SLC24A2: variants seen among roughly 807,000 people sequenced by gnomAD.
The protein encoded by SLC24A2 is sodium/potassium/calcium exchanger 2.
Under a neutral mutation model 62.0 loss-of-function variants are expected in SLC24A2, and 36 were observed. The ratio of observed to expected loss-of-function variants is 0.58; its 90% confidence interval spans 0.44 to 0.77. The LOEUF is 0.77. Ranked by LOEUF, SLC24A2 falls within the 30% of genes least tolerant of loss-of-function variation. The probability of loss-of-function intolerance (pLI) is 0.00; values close to 1 mark genes in which losing one functional copy is unlikely to be tolerated. For missense variants in SLC24A2, 846 were observed against 817.9 expected (o/e 1.03, Z -0.42); for synonymous variants, 358 against 294.0 (o/e 1.22, Z -2.23).
chr9:20,162,749 G>A, the SLC24A2 span, among the ~76,000 whole-genome samples: 19 of 151,986 alleles, frequency 1.3e-4, no homozygotes, highest in African/African-American at 2.4e-4. Context: ...CTGGAAAACC[G>A]AATCCAGCAG....
the SLC24A2 span, among the ~76,000 whole-genome samples, chr9:20,270,030 A>T: frequency 3.7e-4 from 57 of 152,110 alleles, no homozygotes; most frequent in Admixed American, 7.9e-4. Context: ...AAGGGGAAGC[A>T]GACGTGTGAA....
intron 5 of SLC24A2, among the ~76,000 whole-genome samples, chr9:19,586,689 G>A (rs1376924963): frequency 6.6e-6 from 1 of 152,086 alleles, no homozygotes; most frequent in Non-Finnish European, 1.5e-5. Context: ...AGAATATGAT[G>A]TTTCAGGAAA....
chr9:20,161,875 G>A, the SLC24A2 span, among the ~76,000 whole-genome samples: 25 of 151,480 alleles, frequency 1.7e-4, no homozygotes, highest in Non-Finnish European at 3.0e-4. Context: ...TTGGGAAAAA[G>A]CTAGAAAACC....
chr9:19,623,504 A>G (rs770110140), intron 2 of SLC24A2, among the ~76,000 whole-genome samples: 9 of 152,224 alleles, frequency 5.9e-5, no homozygotes, highest in Non-Finnish European at 1.3e-4. Flanking sequence ...CCTAAAATAT[A>G]CACTTTTGTG....
chr9:19,901,914 T>C, the SLC24A2 span, among the ~76,000 whole-genome samples: 68 of 152,232 alleles, frequency 4.5e-4, no homozygotes, highest in African/African-American at 1.6e-3. Flanking sequence ...TGGCAGTGAA[T>C]TGAATGTGAC....
chr9:19,734,364 T>C (rs1821434822), intron 2 of SLC24A2, among the ~76,000 whole-genome samples: 1 of 152,218 alleles, frequency 6.6e-6, no homozygotes, highest in African/African-American at 2.4e-5. Context: ...GACTTGGCAA[T>C]GCGGGCTCTT....
chr9:20,136,988 G>C, the SLC24A2 span, among the ~76,000 whole-genome samples: 1 of 152,142 alleles, frequency 6.6e-6, no homozygotes, highest in Non-Finnish European at 1.5e-5. Context: ...AATTAAGAGA[G>C]ATAATGCTCT....
chr9:20,023,934 G>A, the SLC24A2 span, among the ~76,000 whole-genome samples: 1 of 152,214 alleles, frequency 6.6e-6, no homozygotes, highest in African/African-American at 2.4e-5. Context: ...GAAGCTCTGT[G>A]CTATAAAGGA....
At chr9:19,742,761 C>T (rs1043363150) in intron 2 of SLC24A2, among the ~76,000 whole-genome samples, 2 of 152,168 alleles carry the variant, frequency 1.3e-5, no homozygotes, top group Admixed American at 6.5e-5. Context: ...AATCAATGAA[C>T]TATCCCCTAC....
intron 2 of SLC24A2, among the ~76,000 whole-genome samples, chr9:19,675,707 C>T (rs1325108625): frequency 6.6e-6 from 1 of 152,132 alleles, no homozygotes; most frequent in Non-Finnish European, 1.5e-5. Context: ...CCTACCGTGC[C>T]CCCACAAAAG....
At chr9:19,706,206 T>C (rs1181209303) in intron 2 of SLC24A2, among the ~76,000 whole-genome samples, 1 of 151,400 alleles carries the variant, frequency 6.6e-6, no homozygotes, top group Admixed American at 6.6e-5. Context: ...TTTGTCTCTT[T>C]TGATCTTTGT....
chr9:20,095,117 T>C, the SLC24A2 span, among the ~76,000 whole-genome samples: 1 of 152,202 alleles, frequency 6.6e-6, no homozygotes, highest in Non-Finnish European at 1.5e-5. Flanking sequence ...TGAAGAGATT[T>C]GCAAACTGGA....
At chr9:19,670,398 C>T (rs547813934) in intron 2 of SLC24A2, among the ~76,000 whole-genome samples, 21 of 152,224 alleles carry the variant, frequency 1.4e-4, no homozygotes, top group African/African-American at 4.8e-4. Context: ...ATCAACTCTA[C>T]AAAAACCACA....
chr9:20,167,225 AG>A, the SLC24A2 span, among the ~76,000 whole-genome samples: 1 of 152,094 alleles, frequency 6.6e-6, no homozygotes, highest in Non-Finnish European at 1.5e-5. Context: ...TTCTCAATCC[AG>A]GGGAAAAAAG....
At chr9:19,743,811 A>T (rs538218389) in intron 2 of SLC24A2, among the ~76,000 whole-genome samples, 1 of 152,104 alleles carries the variant, frequency 6.6e-6, no homozygotes. Flanking sequence ...TCTTGGCACT[A>T]TAGATACTCT....
At chr9:19,574,817 G>T (rs559747065) in intron 6 of SLC24A2, among the ~76,000 whole-genome samples, 75 of 152,268 alleles carry the variant, frequency 4.9e-4, no homozygotes, top group African/African-American at 1.8e-3. Context: ...CCTATTGAAA[G>T]CACACACTCT....
intron 2 of SLC24A2, among the ~76,000 whole-genome samples, chr9:19,665,995 G>A (rs1819242056): frequency 6.6e-6 from 1 of 152,054 alleles, no homozygotes; most frequent in South Asian, 2.1e-4. Context: ...GTAATGATAT[G>A]AGTTAGTATA....
the SLC24A2 span, among the ~76,000 whole-genome samples, chr9:20,234,535 T>C: frequency 3.3e-5 from 5 of 152,378 alleles, no homozygotes; most frequent in East Asian, 3.9e-4. Context: ...CTGAGGCTTC[T>C]GCATTCATCA....
chr9:19,761,089 G>C lies in SLC24A2; in HGVS notation c.930+24848C>G, dbSNP rs544311687. On this transcript the variant is annotated intron_variant, in intron 2 of 10. Transcript: ENST00000341998. ...AAAAATAAATTAAATTTAAAAAAAT[G>C]TTTGCTATTGTGAACAGTGCTGCAG... is the stretch of plus-strand genomic sequence containing the variant. Among the ~76,000 whole-genome samples the C allele has an allele frequency of 3.9e-5, 6 of 152,032 alleles. No homozygotes were observed. The East Asian group carries it at 1.2e-3, about 29-fold the overall frequency.
Sources: gnomAD v4.1 joint callset for allele counts (sites outside exome capture counted in the v4.1 genomes callset) on GRCh38, gnomAD v4.1.1 for gene constraint, MANE v1.5 for transcripts, NCBI Gene and HGNC (gene_info 2026-07-23, HGNC 2026-07-21) for gene names.